PRH1: variants seen among roughly 807,000 people sequenced by gnomAD.
PRH1 encodes the protein proline rich protein HaeIII subfamily 1, also known as salivary acidic proline-rich phosphoprotein 1/2.
In PRH1, 7 loss-of-function variants were observed where a neutral mutation model predicts 7.9. The ratio of observed to expected loss-of-function variants is 0.89; its 90% CI spans 0.50 to 1.67. The LOEUF is 1.67. PRH1 is among the 40% of genes most tolerant of loss of function. The pLI, the probability that PRH1 is intolerant of heterozygous loss-of-function variation, is 0.00. For synonymous variants in PRH1, 45 were observed against 80.8 expected, an observed-to-expected ratio of 0.56 and a Z score of 2.38; for missense variants, 109 against 223.6, an observed-to-expected ratio of 0.49 and a Z score of 3.27.
chr12:10,890,842 T>C (rs1949562923), intron 2 of PRH1, among the ~76,000 whole-genome samples: 1 of 151,714 alleles, frequency 6.6e-6, no homozygotes, highest in Non-Finnish European at 1.5e-5. Context: ...GGTTGGCTTT[T>C]TTTTTTTCCT....
intron 2 of PRH1, 57 bp from the exon 3 acceptor site, chr12:10,882,755 A>C: frequency 6.3e-7 from 1 of 1,598,476 alleles, no homozygotes; most frequent in Non-Finnish European, 8.5e-7. Context: ...TCCTGTCTTC[A>C]TACCTCTCTG....
At chr12:10,986,946 C>T (rs1374896333) in intron 1 of PRH1, 2 of 952,730 alleles carry the variant, frequency 2.1e-6, no homozygotes, top group African/African-American at 1.7e-5. Context: ...ATTTTATGTG[C>T]ATCTGATTTC....
chr12:11,022,169 C>T (rs1434111720), intron 1 of PRH1: 4 of 1,614,010 alleles, frequency 2.5e-6, no homozygotes, highest in Non-Finnish European at 2.5e-6. Context: ...ACCAAGGGCC[C>T]CAACAGTATC....
chr12:11,068,971 C>G (rs60206562), intron 1 of PRH1, among the ~76,000 whole-genome samples: 65,690 of 116,602 alleles, frequency 0.56, 15,186 homozygotes, highest in Non-Finnish European at 0.65. Context: ...GCAGTGGTTT[C>G]GGATTGGCTC....
chr12:11,147,000 T>A (rs942013407), intron 1 of PRH1, among the ~76,000 whole-genome samples: 1 of 152,178 alleles, frequency 6.6e-6, no homozygotes, highest in South Asian at 2.1e-4. Context: ...AGTAAAGAAC[T>A]TACCTCCTTC....
chr12:10,899,740 A>G (rs1949698251), intron 2 of PRH1, among the ~76,000 whole-genome samples: 1 of 152,204 alleles, frequency 6.6e-6, no homozygotes, highest in African/African-American at 2.4e-5. Context: ...TTATTTATAA[A>G]TTACTCAGCT....
chr12:11,106,260 T>C (rs1409988909), intron 1 of PRH1, among the ~76,000 whole-genome samples: 1 of 152,052 alleles, frequency 6.6e-6, no homozygotes, highest in Non-Finnish European at 1.5e-5. Flanking sequence ...CTTAAGAAGC[T>C]CATTAATACA....
intron 1 of PRH1, among the ~76,000 whole-genome samples, chr12:11,041,288 C>CAAAAAAAAAAA (rs67144212): frequency 8.6e-5 from 7 of 81,368 alleles, no homozygotes; most frequent in African/African-American, 3.8e-4. Context: ...CAATGCAAAC[C>CAAAAAAAAAAA]AAAAAAAAAA....
intron 2 of PRH1, among the ~76,000 whole-genome samples, chr12:10,921,070 A>C (rs1375233277): frequency 6.6e-6 from 1 of 152,092 alleles, no homozygotes; most frequent in Non-Finnish European, 1.5e-5. Flanking sequence ...AGTATATATT[A>C]TGAGACTAAT....
At chr12:11,127,560 C>G (rs1421712298) in intron 1 of PRH1, among the ~76,000 whole-genome samples, 1 of 152,242 alleles carries the variant, frequency 6.6e-6, no homozygotes, top group East Asian at 1.9e-4. Context: ...AAACTGGTTA[C>G]TGCTAACTAA....
intron 1 of PRH1, chr12:11,078,760 T>A (rs1393089200): frequency 2.6e-5 from 4 of 152,076 alleles, no homozygotes; most frequent in Non-Finnish European, 5.9e-5. Context: ...GGATTTATTT[T>A]TATGCCAGAT....
chr12:11,143,168 T>C (rs556376173), intron 1 of PRH1, among the ~76,000 whole-genome samples: 2 of 152,208 alleles, frequency 1.3e-5, no homozygotes, highest in African/African-American at 4.8e-5. Flanking sequence ...CACAATGATA[T>C]ATAAATAGTG....
At position 11,090,374 on chromosome 12, in the gene PRH1, G is replaced by A. The variant is rs1404898494; in HGVS notation, n.124-43186C>T. Among the ~76,000 whole-genome samples the A allele has an allele frequency of 3.4e-5, 4 of 116,190 alleles. 1 individual carries two copies. The highest frequency in any genetic ancestry group is 1.2e-4 in the African/African-American group (4 of 34,770). 76.2% of individuals were successfully genotyped at this position (116,190 alleles called of 152,430 possible). On this transcript the variant is annotated intron_variant and non_coding_transcript_variant, in intron 1 of 4. Transcript: ENST00000541977. ...GAAGTTTAGAAGGAATTTTACAAACGGAAGGTAAGGATATAATTAGCAAAT... is the reference window on the plus strand; with the variant it reads ...GAAGTTTAGAAGGAATTTTACAAACAGAAGGTAAGGATATAATTAGCAAAT...
intron 1 of PRH1, among the ~76,000 whole-genome samples, chr12:11,074,807 C>G (rs1944230145): frequency 8.7e-6 from 1 of 115,348 alleles, no homozygotes; most frequent in Non-Finnish European, 2.0e-5. Flanking sequence ...AAATAGAAAA[C>G]AAAAGACAGC....
chr12:10,885,118 A>G (rs1347499416), upstream of PRH1, among the ~76,000 whole-genome samples: 1 of 152,162 alleles, frequency 6.6e-6, no homozygotes, highest in Non-Finnish European at 1.5e-5. Flanking sequence ...ATTTCTTCTA[A>G]TAAATATTGT....
downstream of PRH1, among the ~76,000 whole-genome samples, chr12:11,118,163 C>G (rs1779811933): frequency 6.6e-6 from 1 of 152,066 alleles, no homozygotes; most frequent in Non-Finnish European, 1.5e-5. Context: ...TTGCAAACTA[C>G]TCATCTGGCA....
intron 1 of PRH1, chr12:10,986,152 A>G (rs1939610812): frequency 1.2e-6 from 2 of 1,613,988 alleles, no homozygotes; most frequent in Admixed American, 1.7e-5. Context: ...ATGGCACATA[A>G]CAAGAGGAAG....
chr12:10,956,529 T>C (rs1051711052), intron 2 of PRH1, among the ~76,000 whole-genome samples: 69 of 152,224 alleles, frequency 4.5e-4, no homozygotes, highest in African/African-American at 1.6e-3. Context: ...GGGTGTCCTC[T>C]CTCACCACTC....
chr12:11,147,567 A>G (rs1309455903), intron 1 of PRH1, among the ~76,000 whole-genome samples: 1 of 152,216 alleles, frequency 6.6e-6, no homozygotes, highest in Non-Finnish European at 1.5e-5. Flanking sequence ...ATGTTATATG[A>G]AGAACCTTGT....
Sources: gnomAD v4.1 joint callset for allele counts (sites outside exome capture counted in the v4.1 genomes callset) on GRCh38, gnomAD v4.1.1 for gene constraint, MANE v1.5 for transcripts, NCBI Gene and HGNC (gene_info 2026-07-23, HGNC 2026-07-21) for gene names.